FGGY: variants seen among roughly 807,000 people sequenced by gnomAD.
FGGY encodes FGGY carbohydrate kinase domain containing.
In FGGY, 72 loss-of-function variants were observed where a neutral mutation model predicts 71.3. The observed-to-expected ratio is 1.01, with a 90% CI of 0.84 to 1.23. FGGY has a LOEUF of 1.23. Ranked by LOEUF, FGGY falls within the 50% of genes most tolerant of loss-of-function variation. The pLI is 0.00. For synonymous variants in FGGY, 251 were observed against 250.3 expected, an observed-to-expected ratio of 1.00 and a Z score of -0.02; for missense variants, 668 against 682.3, an observed-to-expected ratio of 0.98 and a Z score of 0.23.
chr1:59,347,090 T>C (rs1198278325), intron 4 of FGGY, among the ~76,000 whole-genome samples: 1 of 48,450 alleles, frequency 2.1e-5, no homozygotes, highest in African/African-American at 9.4e-5. Flanking sequence ...TCCTCTTTTT[T>C]TTTCGGTTAT....
At chr1:59,746,001 G>C (rs1256452042) in intron 14 of FGGY, among the ~76,000 whole-genome samples, 1 of 152,138 alleles carries the variant, frequency 6.6e-6, no homozygotes, top group African/African-American at 2.4e-5. Flanking sequence ...GGAGATGAAG[G>C]TCCCGGAGGT....
At chr1:59,305,772 C>T (rs1172845234) in intron 1 of FGGY, among the ~76,000 whole-genome samples, 1 of 152,136 alleles carries the variant, frequency 6.6e-6, no homozygotes, top group African/African-American at 2.4e-5. Context: ...CTCTCTAATC[C>T]TTTTTGGTGC....
At chr1:59,698,252 G>T (rs888780950) in intron 14 of FGGY, among the ~76,000 whole-genome samples, 1 of 152,132 alleles carries the variant, frequency 6.6e-6, no homozygotes, top group Non-Finnish European at 1.5e-5. Flanking sequence ...GGTTCTGCAT[G>T]TCATATGTAT....
At chr1:59,485,980 C>G (rs1244917314) in intron 6 of FGGY, among the ~76,000 whole-genome samples, 1 of 152,196 alleles carries the variant, frequency 6.6e-6, no homozygotes, top group Non-Finnish European at 1.5e-5. Flanking sequence ...GACCTAAACT[C>G]CAACTTTTCC....
intron 7 of FGGY, among the ~76,000 whole-genome samples, chr1:59,526,758 G>A (rs550433798): frequency 6.6e-5 from 10 of 152,346 alleles, no homozygotes; most frequent in East Asian, 5.8e-4. Context: ...GAGGGGCAGC[G>A]AGAGGCAGCC....
At chr1:59,380,009 T>C (rs887286400) in intron 5 of FGGY, among the ~76,000 whole-genome samples, 1 of 152,176 alleles carries the variant, frequency 6.6e-6, no homozygotes, top group African/African-American at 2.4e-5. Context: ...TGTGTTCTCA[T>C]TGTTCAATTC....
chr1:59,684,867 A>G (rs1315934068), intron 14 of FGGY, among the ~76,000 whole-genome samples: 1 of 152,218 alleles, frequency 6.6e-6, no homozygotes, highest in Middle Eastern at 3.2e-3. Flanking sequence ...TTCTGCAAAG[A>G]TTCTGTGAAT....
chr1:59,387,242 TAAAAA>T (rs906837399), intron 5 of FGGY, among the ~76,000 whole-genome samples: 1 of 152,118 alleles, frequency 6.6e-6, no homozygotes, highest in Non-Finnish European at 1.5e-5. Context: ...TTTCTTTTGT[TAAAAA>T]ATTGGAAATA....
chr1:59,540,582 T>C (rs140199647), intron 7 of FGGY, among the ~76,000 whole-genome samples: 10 of 152,318 alleles, frequency 6.6e-5, no homozygotes, highest in African/African-American at 2.4e-4. Context: ...ACATGAGGTT[T>C]ATTTCTTGAT....
intron 9 of FGGY, among the ~76,000 whole-genome samples, chr1:59,616,982 C>T (rs2153830824): frequency 6.6e-6 from 1 of 152,264 alleles, no homozygotes; most frequent in South Asian, 2.1e-4. Flanking sequence ...CTCACCTTTC[C>T]TTACCATTTA....
chr1:59,628,581 A>G (rs1244218606), intron 10 of FGGY, among the ~76,000 whole-genome samples: 1 of 152,220 alleles, frequency 6.6e-6, no homozygotes, highest in African/African-American at 2.4e-5. Context: ...GGTGATGAGT[A>G]AAAGGGAACT....
chr1:59,363,792 A>T (rs1455749754), intron 4 of FGGY, among the ~76,000 whole-genome samples: 1 of 152,224 alleles, frequency 6.6e-6, no homozygotes, highest in Non-Finnish European at 1.5e-5. Context: ...GTGACAAAAC[A>T]TGCAATTTTC....
At position 59,334,865 on chromosome 1, in the gene FGGY, A is replaced by G. The variant is rs200275498; in HGVS notation, c.202-5093A>G. On this transcript the variant is annotated intron_variant, in intron 2 of 15. Transcript: ENST00000303721. ...GAAACCATAGAAACAAAAATAAAAA[A>G]TAGAATTAATCGATAAATCTATTAT... Among the ~76,000 whole-genome samples, 10 of 152,362 alleles carry G rather than the reference A, an allele frequency of 6.6e-5. No homozygotes were observed. In the East Asian group the frequency reaches 1.2e-3, roughly 18 times the overall value.
intron 14 of FGGY, among the ~76,000 whole-genome samples, chr1:59,709,851 A>G (rs918336930): frequency 6.6e-6 from 1 of 152,206 alleles, no homozygotes; most frequent in Non-Finnish European, 1.5e-5. Context: ...GTGACTTCCA[A>G]GGCTTTCCAA....
chr1:59,345,977 A>G (rs1259789543), intron 3 of FGGY, among the ~76,000 whole-genome samples: 1 of 152,230 alleles, frequency 6.6e-6, no homozygotes, highest in Non-Finnish European at 1.5e-5. Context: ...AGAATACTTG[A>G]TAATATAATT....
chr1:59,328,872 A>G (rs1465035775), intron 2 of FGGY, among the ~76,000 whole-genome samples: 1 of 151,974 alleles, frequency 6.6e-6, no homozygotes. Context: ...CACACACCAC[A>G]TTTATCTATT....
intron 7 of FGGY, among the ~76,000 whole-genome samples, chr1:59,529,489 A>G (rs1315015563): frequency 6.6e-6 from 1 of 152,180 alleles, no homozygotes; most frequent in Non-Finnish European, 1.5e-5. Context: ...GAAGCAATGA[A>G]ACGTAGAGTA....
At chr1:59,684,902 A>G (rs923036966) in intron 14 of FGGY, among the ~76,000 whole-genome samples, 1 of 152,250 alleles carries the variant, frequency 6.6e-6, no homozygotes, top group Non-Finnish European at 1.5e-5. Context: ...CACAATGCCT[A>G]TTCAGCAGAA....
intron 6 of FGGY, among the ~76,000 whole-genome samples, chr1:59,474,957 G>C (rs1319072507): frequency 6.6e-6 from 1 of 152,154 alleles, no homozygotes; most frequent in African/African-American, 2.4e-5. Context: ...AGGATGAAAG[G>C]TAATAATGCA....
Sources: gnomAD v4.1 joint callset for allele counts (sites outside exome capture counted in the v4.1 genomes callset) on GRCh38, gnomAD v4.1.1 for gene constraint, MANE v1.5 for transcripts, NCBI Gene and HGNC (gene_info 2026-07-23, HGNC 2026-07-21) for gene names.